Variants in PRKG2 observed in about 807,000 individuals in gnomAD.
PRKG2 encodes protein kinase cGMP-dependent 2.
In PRKG2, 33 loss-of-function variants were observed where a neutral mutation model predicts 97.2. The observed-to-expected ratio is 0.34, with a 90% confidence interval of 0.26 to 0.45. PRKG2 has a LOEUF of 0.45. PRKG2 is among the 20% of genes least tolerant of loss of function. The pLI is 1.00. For synonymous variants in PRKG2, 330 were observed against 321.8 expected (o/e 1.03, Z -0.27); for missense variants, 638 against 900.0 (o/e 0.71, Z 3.73).
intron 14 of PRKG2, among the ~76,000 whole-genome samples, chr4:81,129,809 T>G (rs547411658): frequency 6.6e-6 from 1 of 152,212 alleles, no homozygotes; most frequent in Non-Finnish European, 1.5e-5. Flanking sequence ...TGTCTTTTAA[T>G]TGGGGCATTT....
chr4:81,137,585 C>A, intron 12 of PRKG2, 103 bp from the exon 13 acceptor site: 1 of 867,726 alleles, frequency 1.2e-6, no homozygotes, highest in Non-Finnish European at 1.9e-6. Flanking sequence ...CAATGATACT[C>A]ATCTCCATAT....
intron 2 of PRKG2, among the ~76,000 whole-genome samples, chr4:81,176,836 A>G (rs1409793959): frequency 6.6e-6 from 1 of 151,890 alleles, no homozygotes; most frequent in Non-Finnish European, 1.5e-5. Flanking sequence ...AACTTCATTC[A>G]TTCAACATCC....
chr4:81,191,161 T>C (rs1752452155), intron 2 of PRKG2, among the ~76,000 whole-genome samples: 1 of 152,108 alleles, frequency 6.6e-6, no homozygotes, highest in Non-Finnish European at 1.5e-5. Flanking sequence ...CTGTTAGCAA[T>C]AGCAAAGACT....
intron 2 of PRKG2, among the ~76,000 whole-genome samples, chr4:81,180,835 T>TTTA (rs1173799749): frequency 6.6e-6 from 1 of 152,088 alleles, no homozygotes; most frequent in Non-Finnish European, 1.5e-5. Context: ...CATTACTTTT[T>TTTA]TTATTATTAT....
Position 81,110,458 on chromosome 4 carries a change from G to A in PRKG2, c.1930C>T (p.Leu644=). Residue 644 remains leucine (L), a synonymous_variant, in exon 15 of 19, where the codon CTA becomes TTA. Coordinates refer to ENST00000264399, the MANE Select transcript of PRKG2 (RefSeq NM_006259.3). ...WSLGILVYEL[L]TGNPPFSGVD... is the part of the protein sequence containing the mutation. Reference sequence around the variant, plus strand: ...CTTGAAGGTACATACTTGCCCGTTAGGAGCTCATACACTAGAATTCCCAGT... The same window carrying A: ...CTTGAAGGTACATACTTGCCCGTTAAGAGCTCATACACTAGAATTCCCAGT... The A allele has an allele frequency of 6.2e-7, 1 of 1,612,474 alleles. No homozygotes were observed. The highest frequency in any genetic ancestry group is 1.7e-5 in the Admixed American group (1 of 59,528).
At chr4:81,102,174 G>C (rs1055490020) in intron 17 of PRKG2, among the ~76,000 whole-genome samples, 5 of 152,126 alleles carry the variant, frequency 3.3e-5, no homozygotes, top group Admixed American at 6.6e-5. Flanking sequence ...ATCCCTACAG[G>C]GAAGGAAATT....
chr4:81,211,723 T>C (rs1054060247), intron 1 of PRKG2, among the ~76,000 whole-genome samples: 4 of 152,120 alleles, frequency 2.6e-5, no homozygotes, highest in Admixed American at 2.6e-4. Context: ...CTTGAACTTC[T>C]TGAACTCAAG....
intron 1 of PRKG2, among the ~76,000 whole-genome samples, chr4:81,211,124 T>G (rs1478231446): frequency 3.3e-5 from 5 of 152,118 alleles, no homozygotes; most frequent in African/African-American, 9.7e-5. Flanking sequence ...ATATACACAT[T>G]TCATTATATA....
chr4:81,122,904 C>T (rs956534589), intron 14 of PRKG2, among the ~76,000 whole-genome samples: 5 of 152,202 alleles, frequency 3.3e-5, no homozygotes, highest in Admixed American at 3.3e-4. Flanking sequence ...GACTCCATCC[C>T]ACTGCAGTCC....
Position 81,142,918 on chromosome 4 carries a change from T to C in PRKG2, c.1283A>G (p.Lys428Arg), listed in dbSNP as rs1254385275. Reference protein sequence around the residue: ...KRSMSNWKLSKALSLEMIQLK... With the variant: ...KRSMSNWKLSRALSLEMIQLK... ...CTGAATCATTTCCAGAGAGAGTGCTTTGGACAGCTTCCAGTTAGACATGGA... is the reference window on the plus strand; with the variant it reads ...CTGAATCATTTCCAGAGAGAGTGCTCTGGACAGCTTCCAGTTAGACATGGA... The change falls in exon 11 of 19, where the codon AAA becomes AGA. Residue 428 changes from lysine (K) to arginine (R), a missense_variant. This residue lies in a region of PRKG2 where 304 missense variants were observed against 460.5 expected (regional missense o/e 0.66). Transcript: ENST00000264399. 3.7e-6 allele frequency: 6 copies of C among 1,612,420 alleles called. No individual in the cohort carries two copies. The highest frequency in any genetic ancestry group is 2.2e-5 in the East Asian group (1 of 44,866).
intron 9 of PRKG2, among the ~76,000 whole-genome samples, chr4:81,144,542 C>T (rs867399832): frequency 6.6e-6 from 1 of 150,726 alleles, no homozygotes; most frequent in African/African-American, 2.4e-5. Flanking sequence ...AGCAAAGGGG[C>T]TATTAATGAG....
intron 14 of PRKG2, among the ~76,000 whole-genome samples, chr4:81,120,377 T>C (rs1267330564): frequency 1.3e-5 from 2 of 152,238 alleles, no homozygotes; most frequent in African/African-American, 2.4e-5. Context: ...GTTAAATTCC[T>C]TTACATTTAA....
chr4:81,136,368 C>T (rs563657315), intron 13 of PRKG2, among the ~76,000 whole-genome samples: 3 of 152,276 alleles, frequency 2.0e-5, no homozygotes, highest in African/African-American at 7.2e-5. Context: ...CATTAGGGCC[C>T]AGCATTTTTA....
chr4:81,114,190 T>G (rs1744261103), intron 14 of PRKG2, among the ~76,000 whole-genome samples: 1 of 152,120 alleles, frequency 6.6e-6, no homozygotes, highest in Admixed American at 6.6e-5. Context: ...ACTTTTTATA[T>G]TCCAGAATTA....
intron 10 of PRKG2, 55 bp downstream of exon 10, chr4:81,144,177 T>C: frequency 1.3e-6 from 2 of 1,496,944 alleles, no homozygotes; most frequent in Non-Finnish European, 1.9e-6. Flanking sequence ...TCCCCTTCTT[T>C]ATTTATTGGC....
At chr4:81,169,813 GT>G in intron 4 of PRKG2, 45 bp from the exon 5 acceptor site, 2 of 1,236,876 alleles carry the variant, frequency 1.6e-6, no homozygotes, top group Non-Finnish European at 2.3e-6. Flanking sequence ...GTACAACATT[GT>G]GAAAACATTC....
chr4:81,159,642 A>G (rs1170602029), intron 6 of PRKG2, among the ~76,000 whole-genome samples: 1 of 152,158 alleles, frequency 6.6e-6, no homozygotes, highest in Non-Finnish European at 1.5e-5. Context: ...TCATGCTGCT[A>G]TAAAGACACA....
intron 1 of PRKG2, among the ~76,000 whole-genome samples, chr4:81,206,169 C>T (rs1471128024): frequency 1.3e-5 from 2 of 152,154 alleles, no homozygotes; most frequent in Non-Finnish European, 2.9e-5. Context: ...TTGGGAAATA[C>T]TGCTCTAATT....
At chr4:81,174,520 C>T (rs1202789986) in intron 3 of PRKG2, among the ~76,000 whole-genome samples, 3 of 151,880 alleles carry the variant, frequency 2.0e-5, no homozygotes, top group Non-Finnish European at 1.5e-5. Context: ...TAGAACTTGC[C>T]TTACAGGGTT....
Sources: allele counts gnomAD v4.1 joint callset (sites outside exome capture counted in the v4.1 genomes callset), GRCh38; gene constraint gnomAD v4.1.1; regional missense constraint gnomAD v4.1.1; transcripts MANE v1.5; gene names NCBI Gene and HGNC (gene_info 2026-07-23, HGNC 2026-07-21).